The following FRMD4A variants were observed in gnomAD, a reference collection of about 807,000 sequenced individuals.
FRMD4A encodes the protein FERM domain-containing protein 4A.
Under a neutral mutation model 129.1 loss-of-function variants are expected in FRMD4A, and 29 were observed. That is an observed-to-expected ratio of 0.22 (90% CI 0.17 to 0.31). FRMD4A has a LOEUF of 0.31. FRMD4A is among the 10% of genes least tolerant of loss of function. The probability of loss-of-function intolerance (pLI) is 1.00; values close to 1 mark genes in which losing one functional copy is unlikely to be tolerated. For synonymous variants in FRMD4A, 634 were observed against 571.6 expected, an observed-to-expected ratio of 1.11 and a Z score of -1.56; for missense variants, 1,272 against 1,375.8, an observed-to-expected ratio of 0.92 and a Z score of 1.19.
At chr10:13,747,258 C>T (rs2091339728) in intron 9 of FRMD4A, among the ~76,000 whole-genome samples, 3 of 151,796 alleles carry the variant, frequency 2.0e-5, no homozygotes, top group Non-Finnish European at 2.9e-5. Flanking sequence ...ACGGGCCAGG[C>T]GTGGTAGCTC....
intron 2 of FRMD4A, among the ~76,000 whole-genome samples, chr10:14,295,989 AT>A (rs1329099048): frequency 2.0e-5 from 3 of 151,964 alleles, no homozygotes; most frequent in Admixed American, 6.6e-5. Context: ...TTTATTAAGA[AT>A]TTTTTTTCCT....
Position 13,856,050 on chromosome 10 carries a change from C to T in FRMD4A, c.111+2797G>A, listed in dbSNP as rs146358229. Among the ~76,000 whole-genome samples, 174 of 143,986 alleles carry T rather than the reference C, an allele frequency of 1.2e-3. 1 individual carries two copies. Among genetic ancestry groups the T allele is most frequent in the Admixed American group, 3.3e-3 (47 of 14,072 alleles). 94.5% of individuals were successfully genotyped at this position (143,986 alleles called of 152,430 possible). Reference sequence around the variant, plus strand: ...TCTATCTATCTATCTATCTATCTATCTATCTATCTATGTATACATAGATAC... The same window carrying T: ...TCTATCTATCTATCTATCTATCTATTTATCTATCTATGTATACATAGATAC... On this transcript the variant is annotated intron_variant, in intron 3 of 24. Coordinates refer to ENST00000357447, the MANE Select transcript of FRMD4A (RefSeq NM_018027.5).
intron 2 of FRMD4A, among the ~76,000 whole-genome samples, chr10:14,252,068 A>T (rs1672923284): frequency 6.6e-6 from 1 of 152,228 alleles, no homozygotes; most frequent in Admixed American, 6.5e-5. Flanking sequence ...TATTTATAGA[A>T]AAGTTTCAAG....
At chr10:14,273,498 C>G (rs1225023259) in intron 2 of FRMD4A, among the ~76,000 whole-genome samples, 1 of 152,106 alleles carries the variant, frequency 6.6e-6, no homozygotes, top group East Asian at 1.9e-4. Context: ...AATGGGTCAG[C>G]TCATGTAAGC....
intron 2 of FRMD4A, among the ~76,000 whole-genome samples, chr10:14,019,236 G>A (rs1329257206): frequency 6.6e-6 from 1 of 152,166 alleles, no homozygotes; most frequent in Admixed American, 6.5e-5. Context: ...AAAAAGAAAG[G>A]AGTGGGTTAA....
intron 2 of FRMD4A, among the ~76,000 whole-genome samples, chr10:14,305,561 T>C (rs903982296): frequency 1.3e-5 from 2 of 152,200 alleles, no homozygotes; most frequent in African/African-American, 4.8e-5. Flanking sequence ...TAAGGCCAGA[T>C]GGTGTCTCTG....
intron 2 of FRMD4A, among the ~76,000 whole-genome samples, chr10:14,115,701 TC>T (rs1211811137): frequency 6.6e-6 from 1 of 152,116 alleles, no homozygotes; most frequent in Non-Finnish European, 1.5e-5. Context: ...GGTACCTCCC[TC>T]CCCGCTCTCT....
intron 2 of FRMD4A, among the ~76,000 whole-genome samples, chr10:14,270,158 T>C (rs557364010): frequency 5.9e-5 from 9 of 152,356 alleles, no homozygotes; most frequent in African/African-American, 2.2e-4. Context: ...TCTCTGGTTC[T>C]GAAGCCTCTG....
At chr10:14,212,467 A>G (rs1842958505) in intron 2 of FRMD4A, among the ~76,000 whole-genome samples, 1 of 151,936 alleles carries the variant, frequency 6.6e-6, no homozygotes, top group African/African-American at 2.4e-5. Flanking sequence ...CCTTAATGGA[A>G]AAGCAGATCT....
chr10:14,040,738 G>C lies in FRMD4A; in HGVS notation c.46-181826C>G, dbSNP rs1425352772. On this transcript the variant is annotated intron_variant, in intron 2 of 24. Coordinates refer to ENST00000357447, the MANE Select transcript of FRMD4A (RefSeq NM_018027.5). ...TCCTCAGAAACCATAGACTGTCTCA[G>C]TTTCTCCTTCCCTCTCTGCAAATGT... 3.0e-5 allele frequency among the ~76,000 whole-genome samples: 3 copies of C among 101,604 alleles called. No individual in the cohort carries two copies. In the Admixed American group the frequency reaches 3.3e-4, roughly 11 times the overall value. 66.7% of individuals were successfully genotyped at this position (101,604 alleles called of 152,430 possible). A position where few individuals can be genotyped will look rare whatever the true frequency, so the allele number is the denominator to read the frequency against.
At chr10:14,075,695 T>A (rs1279120119) in intron 2 of FRMD4A, among the ~76,000 whole-genome samples, 1 of 152,358 alleles carries the variant, frequency 6.6e-6, no homozygotes, top group East Asian at 1.9e-4. Flanking sequence ...TATACCTTTA[T>A]ATCCATATGC....
chr10:14,139,717 T>A (rs1400152848), intron 2 of FRMD4A, among the ~76,000 whole-genome samples: 3 of 152,196 alleles, frequency 2.0e-5, no homozygotes, highest in Non-Finnish European at 4.4e-5. Flanking sequence ...CTCAGACTGT[T>A]AAGATTACAG....
chr10:13,784,253 G>T (rs1356797895), intron 5 of FRMD4A, among the ~76,000 whole-genome samples: 1 of 152,176 alleles, frequency 6.6e-6, no homozygotes, highest in Non-Finnish European at 1.5e-5. Context: ...AGCAGTGATG[G>T]AGTCCCCAGC....
intron 2 of FRMD4A, among the ~76,000 whole-genome samples, chr10:14,054,274 T>C (rs757306983): frequency 3.2e-4 from 48 of 152,312 alleles, no homozygotes; most frequent in Admixed American, 5.9e-4. Context: ...TATCTCACTA[T>C]TATGGCCTTG....
At position 13,884,144 on chromosome 10, in the gene FRMD4A, T is replaced by TCACACACACA. The variant is rs773933481; in HGVS notation, c.46-25233_46-25232insTGTGTGTGTG. Reference sequence around the variant, plus strand: ...CACTCACACACACGCTCACACACACTCTCACACACTCTCACACACACACTC... The same window carrying TCACACACACA: ...CACTCACACACACGCTCACACACACTCACACACACACTCACACACTCTCACACACACACTC... On this transcript the variant is annotated intron_variant, in intron 2 of 24. Coordinates refer to ENST00000357447, the MANE Select transcript of FRMD4A (RefSeq NM_018027.5). Among the ~76,000 whole-genome samples the TCACACACACA allele has an allele frequency of 3.8e-4, 40 of 105,144 alleles. 1 individual carries two copies. The East Asian group carries it at 6.0e-3, about 16-fold the overall frequency. 69.0% of individuals were successfully genotyped at this position (105,144 alleles called of 152,430 possible). A position where few individuals can be genotyped will look rare whatever the true frequency, so the allele number is the denominator to read the frequency against.
chr10:13,814,167 T>C (rs1013791963), intron 3 of FRMD4A, among the ~76,000 whole-genome samples: 1 of 152,218 alleles, frequency 6.6e-6, no homozygotes, highest in African/African-American at 2.4e-5. Context: ...TGGGTGATTA[T>C]GCCTGGTCAA....
intron 4 of FRMD4A, among the ~76,000 whole-genome samples, chr10:13,808,555 A>G (rs957035156): frequency 9.2e-5 from 14 of 152,226 alleles, no homozygotes; most frequent in African/African-American, 3.1e-4. Context: ...TCAGATGAAC[A>G]AAGAGGCACT....
chr10:14,323,052 T>G (rs1402460143), intron 2 of FRMD4A, among the ~76,000 whole-genome samples: 2 of 152,192 alleles, frequency 1.3e-5, no homozygotes, highest in African/African-American at 4.8e-5. Context: ...GAATGCAAAT[T>G]TAAATTTGCT....
At chr10:14,000,646 C>CAAAAAAAAAAAAAAAAAAAAAAAA (rs11377448) in intron 2 of FRMD4A, among the ~76,000 whole-genome samples, 3 of 43,478 alleles carry the variant, frequency 6.9e-5, no homozygotes, top group African/African-American at 1.7e-4. Context: ...GACGCCACCT[C>CAAAAAAAAAAAAAAAAAAAAAAAA]AAAAAAAAAA....
Sources: allele counts gnomAD v4.1 joint callset (sites outside exome capture counted in the v4.1 genomes callset), GRCh38; gene constraint gnomAD v4.1.1; transcripts MANE v1.5; gene names NCBI Gene and HGNC (gene_info 2026-07-23, HGNC 2026-07-21).